KIRREL3: variants seen among roughly 807,000 people sequenced by gnomAD.
The protein encoded by KIRREL3 is kirre like nephrin family adhesion molecule 3, also known as kin of IRRE-like protein 3.
Under a neutral mutation model 89.7 loss-of-function variants are expected in KIRREL3, and 36 were observed. The observed-to-expected ratio is 0.40, with a 90% confidence interval of 0.31 to 0.53. The LOEUF is 0.53. Among genes scored for constraint, KIRREL3 ranks in the 20% least tolerant of loss-of-function variants. The probability of loss-of-function intolerance (pLI) is 0.49; values close to 1 mark genes in which losing one functional copy is unlikely to be tolerated. For synonymous variants in KIRREL3, 445 were observed against 441.4 expected (o/e 1.01, Z -0.10); for missense variants, 864 against 1,056.6 (o/e 0.82, Z 2.53).
intron 1 of KIRREL3, among the ~76,000 whole-genome samples, chr11:126,658,059 A>T (rs1945235361): frequency 6.6e-6 from 1 of 152,214 alleles, no homozygotes; most frequent in South Asian, 2.1e-4. Flanking sequence ...CCATTTCTGG[A>T]GGAGTCGAGT....
chr11:126,816,252 G>A (rs1305092350), intron 1 of KIRREL3, among the ~76,000 whole-genome samples: 1 of 152,210 alleles, frequency 6.6e-6, no homozygotes, highest in Non-Finnish European at 1.5e-5. Flanking sequence ...AACAAGGACA[G>A]TATGTATTCT....
rs1263575569 is a variant in KIRREL3, at chr11:126,615,921, CG to C, written c.56-53010del. Among the ~76,000 whole-genome samples the C allele has an allele frequency of 1.3e-5, 2 of 152,042 alleles. No homozygotes were observed. Among genetic ancestry groups the C allele is most frequent in the African/African-American group, 4.8e-5 (2 of 41,394 alleles). On this transcript the variant is annotated intron_variant, in intron 1 of 16. Transcript: ENST00000525144. The surrounding 1 kb of genome is among the most constrained non-coding windows in gnomAD (Gnocchi z 5.4). ...GGGAGCAGACTTCTTTGTATGCCCCCGGGGACAGGACAGGATGGAGGGAGGA... is the reference window on the plus strand; with the variant it reads ...GGGAGCAGACTTCTTTGTATGCCCCCGGGACAGGACAGGATGGAGGGAGGA...
chr11:126,937,725 C>T lies in KIRREL3; in HGVS notation c.55+62730G>A, dbSNP rs145060772. On this transcript the variant is annotated intron_variant, in intron 1 of 16. Transcript: ENST00000525144. ...CCATCCTGGCTAACACAGTGAAACC[C>T]CATCTCTACTAAAAATACAAAAAAT... is the stretch of plus-strand genomic sequence containing the variant. Among the ~76,000 whole-genome samples, 953 of 152,070 alleles carry T rather than the reference C, an allele frequency of 6.3e-3. 6 individuals carry two copies. Among genetic ancestry groups the T allele is most frequent in the African/African-American group, 0.022 (896 of 41,446 alleles).
intron 1 of KIRREL3, among the ~76,000 whole-genome samples, chr11:126,973,623 A>C (rs1440765535): frequency 6.6e-6 from 1 of 152,248 alleles, no homozygotes; most frequent in African/African-American, 2.4e-5. Context: ...ACTCAACTTC[A>C]GAACTTCAGT....
intron 1 of KIRREL3, among the ~76,000 whole-genome samples, chr11:126,863,603 G>C (rs1279422367): frequency 1.3e-5 from 1 of 77,094 alleles, no homozygotes; most frequent in Non-Finnish European, 2.4e-5. Flanking sequence ...GAGTGCGTGT[G>C]TGTTTGCGTG....
intron 7 of KIRREL3, among the ~76,000 whole-genome samples, chr11:126,453,489 A>G (rs1956248588): frequency 6.6e-6 from 1 of 152,256 alleles, no homozygotes; most frequent in Admixed American, 6.5e-5. Flanking sequence ...AAAGTAAAGA[A>G]ACAAAGTTTC....
chr11:126,450,319 G>T (rs188003872), intron 7 of KIRREL3, among the ~76,000 whole-genome samples: 1 of 151,028 alleles, frequency 6.6e-6, no homozygotes, highest in Non-Finnish European at 1.5e-5. Flanking sequence ...CCATGTGCAC[G>T]TGTGCATGTG....
Position 126,761,326 on chromosome 11 carries a change from G to A in KIRREL3, c.56-198414C>T, listed in dbSNP as rs529767058. On this transcript the variant is annotated intron_variant, in intron 1 of 16. Transcript: ENST00000525144. The surrounding 1 kb of genome is among the most constrained non-coding windows in gnomAD (Gnocchi z 4.4). ...CCCTGGGGGCTCACCAGAGGGGACT[G>A]TGATGAGTTGGCTTCTCAGGAGTTT... Among the ~76,000 whole-genome samples the A allele has an allele frequency of 9.0e-4, 137 of 151,690 alleles. No individual in the cohort carries two copies. Among genetic ancestry groups the A allele is most frequent in the Non-Finnish European group, 1.7e-3 (117 of 67,906 alleles).
Position 126,955,495 on chromosome 11 carries a change from G to T in KIRREL3, c.55+44960C>A, listed in dbSNP as rs1316344608. ...AGCCCTCCCTTCCCTGCATGGCAAG[G>T]CACGAAGGTGGTCTGATGTGGATTC... is the stretch of plus-strand genomic sequence containing the variant. On this transcript the variant is annotated intron_variant, in intron 1 of 16. Coordinates refer to ENST00000525144, the MANE Select transcript of KIRREL3 (RefSeq NM_032531.4). The surrounding 1 kb of genome is among the most constrained non-coding windows in gnomAD (Gnocchi z 4.6). 6.6e-6 allele frequency among the ~76,000 whole-genome samples: 1 copy of T among 152,204 alleles called. No homozygotes were observed. Among genetic ancestry groups the T allele is most frequent in the Non-Finnish European group, 1.5e-5 (1 of 68,040 alleles).
In KIRREL3 at chr11:126,563,923, T is replaced by C. The variant is rs776719571; in HGVS notation, c.56-1011A>G. 6.6e-6 allele frequency among the ~76,000 whole-genome samples: 1 copy of C among 152,226 alleles called. No homozygotes were observed. The highest frequency in any genetic ancestry group is 2.4e-5 in the African/African-American group (1 of 41,446). On this transcript the variant is annotated intron_variant, in intron 1 of 16. Transcript: ENST00000525144. This position sits in a 1 kb window ranked among gnomAD's most constrained non-coding sequence, Gnocchi z 6.8. ...GCATATGGGCCACTGCAACTGACAT[T>C]ATGCAGATGGGAAAATTGAGGTTCA... is the stretch of plus-strand genomic sequence containing the variant.
chr11:126,471,793 C>A lies in KIRREL3; in HGVS notation c.591+1516G>T, dbSNP rs1956900063. On this transcript the variant is annotated intron_variant, in intron 5 of 16. Coordinates refer to ENST00000525144, the MANE Select transcript of KIRREL3 (RefSeq NM_032531.4). The surrounding 1 kb of genome is among the most constrained non-coding windows in gnomAD (Gnocchi z 5.4). ...TCTCCAGGAATTAGCTTACCCTGGT[C>A]CTTCCCTGGGTCTGCAAGGCCCCAG... is the stretch of plus-strand genomic sequence containing the variant. Among the ~76,000 whole-genome samples the A allele has an allele frequency of 6.6e-6, 1 of 152,142 alleles. No individual in the cohort carries two copies. The highest frequency in any genetic ancestry group is 1.5e-5 in the Non-Finnish European group (1 of 68,020).
rs56150011 is a variant in KIRREL3 at position 126,924,974 on chromosome 11, GA to G, written c.55+75480del. 0.091 allele frequency among the ~76,000 whole-genome samples: 13,045 copies of G among 142,862 alleles called. 614 individuals are homozygous for G. The highest frequency in any genetic ancestry group is 0.21 in the East Asian group (991 of 4,762). The allele number at this position is 142,862 out of a possible 152,430, so 93.7% of individuals were successfully genotyped here. On this transcript the variant is annotated intron_variant, in intron 1 of 16. Transcript: ENST00000525144. The surrounding 1 kb of genome is among the most constrained non-coding windows in gnomAD (Gnocchi z 4.7). ...CAGTGGAGGAGGTTGGGATAAAATT[GA>G]AAAAAAAAAAAAACAGTCCTAGGAG... is the stretch of plus-strand genomic sequence containing the variant.
At chr11:126,975,918 TCCTCCCTCCCTC>T (rs1191282647) in intron 1 of KIRREL3, among the ~76,000 whole-genome samples, 2 of 36,530 alleles carry the variant, frequency 5.5e-5, no homozygotes, top group Non-Finnish European at 9.1e-5. Context: ...CTCCCTCCCT[TCCTCCCTCCCTC>T]CCTCCCTCCC....
chr11:126,989,830 T>C lies in KIRREL3; in HGVS notation c.55+10625A>G, dbSNP rs1292698156. 6.6e-6 allele frequency among the ~76,000 whole-genome samples: 1 copy of C among 152,222 alleles called. No individual in the cohort carries two copies. Among genetic ancestry groups the C allele is most frequent in the East Asian group, 1.9e-4 (1 of 5,184 alleles). On this transcript the variant is annotated intron_variant, in intron 1 of 16. Transcript: ENST00000525144. The surrounding 1 kb of genome is among the most constrained non-coding windows in gnomAD (Gnocchi z 6.2). ...GATCCAGTTATCTTGCCTGGAAGGA[T>C]GTTCAAACAGCCATGGCCCGTGGTG...
rs758111588 is a variant in KIRREL3, at chr11:126,587,102, G to A, written c.56-24190C>T. On this transcript the variant is annotated intron_variant, in intron 1 of 16. Transcript: ENST00000525144. The surrounding 1 kb of genome is among the most constrained non-coding windows in gnomAD (Gnocchi z 5.2). ...GCAACGACGATGCAGTGTGATGGAT[G>A]CTCCAGTGGAAGAGTCCAGAGCACC... Among the ~76,000 whole-genome samples the A allele has an allele frequency of 6.6e-6, 1 of 152,172 alleles. No homozygotes were observed. The highest frequency in any genetic ancestry group is 6.5e-5 in the Admixed American group (1 of 15,278).
At chr11:126,692,908 C>T (rs1302021398) in intron 1 of KIRREL3, among the ~76,000 whole-genome samples, 1 of 152,234 alleles carries the variant, frequency 6.6e-6, no homozygotes, top group Non-Finnish European at 1.5e-5. Flanking sequence ...GTGGAGACTG[C>T]TTTCCCATCC....
intron 1 of KIRREL3, among the ~76,000 whole-genome samples, chr11:126,577,938 C>T (rs1053453478): frequency 2.0e-5 from 3 of 152,174 alleles, no homozygotes; most frequent in African/African-American, 7.2e-5. Context: ...AAAGGATTCC[C>T]CCTTTAGCAC....
Position 126,985,615 on chromosome 11 carries a change from C to G in KIRREL3, c.55+14840G>C, listed in dbSNP as rs185363630. Among the ~76,000 whole-genome samples the G allele has an allele frequency of 6.6e-6, 1 of 151,876 alleles. No individual in the cohort carries two copies. The highest frequency in any genetic ancestry group is 1.5e-5 in the Non-Finnish European group (1 of 67,996). ...GGCCACTCCAGAGGGACAGGAGGCACGAGGGAGCAGAGCACATTCGGACAA... is the reference window on the plus strand; with the variant it reads ...GGCCACTCCAGAGGGACAGGAGGCAGGAGGGAGCAGAGCACATTCGGACAA... On this transcript the variant is annotated intron_variant, in intron 1 of 16. Coordinates refer to ENST00000525144, the MANE Select transcript of KIRREL3 (RefSeq NM_032531.4). The surrounding 1 kb of genome is among the most constrained non-coding windows in gnomAD (Gnocchi z 5.3).
intron 1 of KIRREL3, among the ~76,000 whole-genome samples, chr11:126,911,691 A>G (rs1946822336): frequency 6.6e-6 from 1 of 152,180 alleles, no homozygotes; most frequent in Non-Finnish European, 1.5e-5. Context: ...GGATGTGTCC[A>G]TAAGAACGGC....
Sources: allele counts gnomAD v4.1 joint callset (sites outside exome capture counted in the v4.1 genomes callset), GRCh38; gene constraint gnomAD v4.1.1; non-coding constraint Gnocchi (gnomAD v3.1); transcripts MANE v1.5; gene names NCBI Gene and HGNC (gene_info 2026-07-23, HGNC 2026-07-21).